Variants in ZSWIM5 observed in about 807,000 individuals in gnomAD.
ZSWIM5 encodes zinc finger SWIM-type containing 5.
Under a neutral mutation model 119.6 loss-of-function variants are expected in ZSWIM5, and 55 were observed. The observed-to-expected ratio is 0.46, with a 90% CI of 0.37 to 0.58. The LOEUF (loss-of-function observed/expected upper bound fraction) is 0.58. ZSWIM5 is among the 20% of genes least tolerant of loss of function. The probability of loss-of-function intolerance (pLI) is 0.00; values close to 1 mark genes in which losing one functional copy is unlikely to be tolerated. For synonymous variants in ZSWIM5, 537 were observed against 606.9 expected (o/e 0.88, Z 1.69); for missense variants, 1,193 against 1,512.8 (o/e 0.79, Z 3.51).
At chr1:45,082,583 C>G (rs1365597904) in intron 2 of ZSWIM5, among the ~76,000 whole-genome samples, 1 of 152,148 alleles carries the variant, frequency 6.6e-6, no homozygotes, top group African/African-American at 2.4e-5. Flanking sequence ...GATGTCTCCC[C>G]TTTTTGTATC....
chr1:45,064,358 T>A (rs556122965), intron 2 of ZSWIM5, among the ~76,000 whole-genome samples: 6 of 152,328 alleles, frequency 3.9e-5, no homozygotes, highest in South Asian at 2.1e-4. Context: ...TGAAATTTTT[T>A]AAAAATAGGG....
chr1:45,182,446 A>T (rs1212167811), intron 1 of ZSWIM5, among the ~76,000 whole-genome samples: 1 of 151,780 alleles, frequency 6.6e-6, no homozygotes, highest in Non-Finnish European at 1.5e-5. Flanking sequence ...AAAAAGACAC[A>T]GACTGGCAAA....
intron 1 of ZSWIM5, among the ~76,000 whole-genome samples, chr1:45,152,433 G>C (rs1477232960): frequency 6.6e-6 from 1 of 151,600 alleles, no homozygotes; most frequent in Non-Finnish European, 1.5e-5. Context: ...TAAATATGAT[G>C]AGTAAAGAAA....
At chr1:45,093,945 G>C (rs1645382800) in intron 1 of ZSWIM5, among the ~76,000 whole-genome samples, 1 of 150,670 alleles carries the variant, frequency 6.6e-6, no homozygotes, top group Admixed American at 6.6e-5. Context: ...CTGGGCTCAA[G>C]GAATTCTCCC....
At chr1:45,163,682 A>G (rs573010712) in intron 1 of ZSWIM5, among the ~76,000 whole-genome samples, 6 of 152,336 alleles carry the variant, frequency 3.9e-5, no homozygotes, top group African/African-American at 1.4e-4. Flanking sequence ...ACGCATGCAT[A>G]AGCTTCAGTA....
At chr1:45,094,872 A>C (rs1335969679) in intron 1 of ZSWIM5, among the ~76,000 whole-genome samples, 1 of 151,970 alleles carries the variant, frequency 6.6e-6, no homozygotes, top group African/African-American at 2.4e-5. Flanking sequence ...AAAAAAAAAA[A>C]AACAAAAGAC....
chr1:45,134,978 A>G (rs1041270605), intron 1 of ZSWIM5, among the ~76,000 whole-genome samples: 1 of 152,202 alleles, frequency 6.6e-6, no homozygotes, highest in African/African-American at 2.4e-5. Flanking sequence ...CTATCTATTC[A>G]TTCATCAGTG....
intron 1 of ZSWIM5, among the ~76,000 whole-genome samples, chr1:45,160,103 T>C (rs931345819): frequency 1.3e-5 from 2 of 152,036 alleles, no homozygotes; most frequent in African/African-American, 4.8e-5. Flanking sequence ...TAGAAAAGGG[T>C]CCTGAAACCA....
intron 1 of ZSWIM5, among the ~76,000 whole-genome samples, chr1:45,101,780 T>G (rs1645440981): frequency 6.6e-6 from 1 of 152,138 alleles, no homozygotes; most frequent in South Asian, 2.1e-4. Context: ...CTGAGCAAAC[T>G]GTCACAAGGA....
At chr1:45,139,573 G>A (rs1645714621) in intron 1 of ZSWIM5, among the ~76,000 whole-genome samples, 1 of 149,130 alleles carries the variant, frequency 6.7e-6, no homozygotes, top group African/African-American at 2.5e-5. Context: ...AAACTCCTGG[G>A]CTCAGGCAAT....
chr1:45,139,694 ATT>A (rs774168631), intron 1 of ZSWIM5, among the ~76,000 whole-genome samples: 69 of 67,338 alleles, frequency 1.0e-3, no homozygotes, highest in East Asian at 4.3e-3. Context: ...GCTTTCTTCG[ATT>A]TTTTTTTTTT....
chr1:45,062,144 T>C (rs990323013), intron 2 of ZSWIM5, among the ~76,000 whole-genome samples: 54 of 152,160 alleles, frequency 3.5e-4, no homozygotes, highest in Non-Finnish European at 1.0e-4. Context: ...TGTAGTGCAA[T>C]AGATTACTAA....
chr1:45,180,970 C>T (rs1388275274), intron 1 of ZSWIM5, among the ~76,000 whole-genome samples: 2 of 152,006 alleles, frequency 1.3e-5, no homozygotes, highest in African/African-American at 4.8e-5. Context: ...TACATAAAAC[C>T]ACAAAGATGG....
chr1:45,050,826 C>T (rs549592102), intron 5 of ZSWIM5, among the ~76,000 whole-genome samples: 2 of 152,210 alleles, frequency 1.3e-5, no homozygotes, highest in African/African-American at 4.8e-5. Flanking sequence ...CGCAGAGGCT[C>T]TAGGACATTA....
At chr1:45,136,743 G>A (rs1192110855) in intron 1 of ZSWIM5, among the ~76,000 whole-genome samples, 2 of 152,092 alleles carry the variant, frequency 1.3e-5, no homozygotes, top group Admixed American at 6.6e-5. Flanking sequence ...AAGCAGGATC[G>A]AGATGATAAA....
Position 45,018,541 on chromosome 1 carries a change from C to G in ZSWIM5, c.3471G>C (p.Leu1157=). 6.2e-7 allele frequency: 1 copy of G among 1,614,224 alleles called. No individual in the cohort carries two copies. Among genetic ancestry groups the G allele is most frequent in the Non-Finnish European group, 8.5e-7 (1 of 1,180,042 alleles). Residue 1157 remains leucine, a synonymous_variant, in exon 14 of 14, where the codon CTG becomes CTC. Coordinates refer to ENST00000359600, the MANE Select transcript of ZSWIM5 (RefSeq NM_020883.2). The surrounding 1 kb of genome is among the most constrained non-coding windows in gnomAD (Gnocchi z 6.7). ...GGTTGTCGATGAACTGGGCAAACTG[C>G]AGGTGGCCATCCTGGGGCAGCAGGA... ...ETFLLPQDGH[L]QFAQFIDNLK... is the part of the protein sequence containing the mutation.
chr1:45,205,706 C>A (rs1646183800), intron 1 of ZSWIM5, 50 bp downstream of exon 1: 2 of 1,459,832 alleles, frequency 1.4e-6, no homozygotes, highest in South Asian at 1.2e-5. Context: ...AGAAGAGGCA[C>A]CCGCGGAAGA....
intron 1 of ZSWIM5, among the ~76,000 whole-genome samples, chr1:45,146,136 A>T (rs1240498536): frequency 6.6e-6 from 1 of 152,160 alleles, no homozygotes. Context: ...AGTATAGATA[A>T]CTCTTGAAAT....
intron 2 of ZSWIM5, chr1:45,070,045 A>G (rs2149004318): frequency 1.2e-6 from 1 of 828,928 alleles, no homozygotes; most frequent in South Asian, 1.3e-5. Flanking sequence ...AACCTCAATA[A>G]GACACACACG....
Sources: allele counts gnomAD v4.1 joint callset (sites outside exome capture counted in the v4.1 genomes callset), GRCh38; gene constraint gnomAD v4.1.1; non-coding constraint Gnocchi (gnomAD v3.1); transcripts MANE v1.5; gene names NCBI Gene and HGNC (gene_info 2026-07-23, HGNC 2026-07-21).